Variants in IDUA observed in about 807,000 individuals in gnomAD.
The protein encoded by IDUA is alpha-L-iduronidase.
Under a neutral mutation model 68.9 loss-of-function variants are expected in IDUA, and 65 were observed. The ratio of observed to expected loss-of-function variants is 0.94; its 90% confidence interval spans 0.77 to 1.16. The LOEUF is 1.16. Among genes scored for constraint, IDUA ranks in the 50% most tolerant of loss-of-function variants. The pLI is 0.00. For missense variants in IDUA, 1,046 were observed against 938.0 expected, an observed-to-expected ratio of 1.12 and a Z score of -1.50; for synonymous variants, 529 against 433.6, an observed-to-expected ratio of 1.22 and a Z score of -2.73.
At chr4:996,109 C>T (rs1714730554) in intron 2 of IDUA, among the ~76,000 whole-genome samples, 1 of 152,252 alleles carries the variant, frequency 6.6e-6, no homozygotes, top group South Asian at 2.1e-4. Context: ...CCCTGTCCTC[C>T]AGAGTCTGAG....
chr4:991,141 G>T, intron 2 of IDUA: 2 of 1,544,118 alleles, frequency 1.3e-6, no homozygotes, highest in Non-Finnish European at 1.8e-6. Context: ...GTAAAGCCCG[G>T]TCATCAGCGT....
At position 1,004,503 on chromosome 4, in the gene IDUA, TTTA is replaced by T. The variant is rs965859472; in HGVS notation, c.*116_*118del. 2.7e-5 allele frequency: 31 copies of T among 1,135,990 alleles called. No individual in the cohort carries two copies. The African/African-American group carries it at 4.7e-4, about 17-fold the overall frequency. The allele number at this position is 1,135,990 out of a possible 1,614,324, so 70.4% of individuals were successfully genotyped here. ...CCCCCTTTGCAATATATTTTTATAT[TTTA>T]TTATTTTCTTTTATATCTTGGTACC... On this transcript the variant is annotated 3_prime_UTR_variant, in exon 14 of 14. Coordinates refer to ENST00000514224, the MANE Select transcript of IDUA (RefSeq NM_000203.5). The surrounding 1 kb of genome is among the most constrained non-coding windows in gnomAD (Gnocchi z 5.0).
intron 2 of IDUA, chr4:992,006 C>G: frequency 1.6e-6 from 1 of 642,746 alleles, no homozygotes; most frequent in Non-Finnish European, 2.9e-6. Context: ...TGCTGAGGGG[C>G]GGCGTGGCGG....
rs753543870 is a variant in IDUA, at chr4:991,490, C to T, written c.299+3541C>T. 5.6e-6 allele frequency: 9 copies of T among 1,610,438 alleles called. No homozygotes were observed. The East Asian group carries it at 6.7e-5, about 12-fold the overall frequency. On this transcript the variant is annotated intron_variant, in intron 2 of 13. Coordinates refer to ENST00000514224, the MANE Select transcript of IDUA (RefSeq NM_000203.5). ...CCGATGACCAGCCCAGACATGACGT[C>T]GCCTGCCAGGTACTCCCGCGGGCGG...
Sources: gnomAD v4.1 joint callset for allele counts (sites outside exome capture counted in the v4.1 genomes callset) on GRCh38, gnomAD v4.1.1 for gene constraint, Gnocchi (gnomAD v3.1) non-coding constraint, MANE v1.5 for transcripts, NCBI Gene and HGNC (gene_info 2026-07-23, HGNC 2026-07-21) for gene names.